Variants in TLL2 observed in about 807,000 individuals in gnomAD.
The protein encoded by TLL2 is tolloid-like protein 2.
TLL2 carries 106 observed loss-of-function variants against 123.0 expected under a neutral mutation model. That is an observed-to-expected ratio of 0.86 (90% CI 0.74 to 1.01). The LOEUF (loss-of-function observed/expected upper bound fraction) is 1.01, where lower values mean the gene tolerates loss of function less well. TLL2 is among the 50% of genes least tolerant of loss of function. TLL2 has a pLI of 0.00. For synonymous variants in TLL2, 494 were observed against 516.8 expected (o/e 0.96, Z 0.60); for missense variants, 1,332 against 1,336.7 (o/e 1.00, Z 0.06).
Position 96,513,697 on chromosome 10 carries a change from G to A in TLL2, c.-12C>T, listed in dbSNP as rs778353139. On this transcript the variant is annotated 5_prime_UTR_variant, in exon 1 of 21. Coordinates refer to ENST00000357947, the MANE Select transcript of TLL2 (RefSeq NM_012465.4). ...GTCGCCCGGGGCATGGTGGCGCGGG[G>A]CCGGCTGGGGCAGAGGGAGTTGCGT... 2.7e-6 allele frequency: 4 copies of A among 1,502,582 alleles called. No homozygotes were observed. The highest frequency in any genetic ancestry group is 3.5e-6 in the Non-Finnish European group (4 of 1,130,462). The allele number at this position is 1,502,582 out of a possible 1,614,324, so 93.1% of individuals were successfully genotyped here.
At chr10:96,391,381 C>T (rs1234605117) in intron 13 of TLL2, among the ~76,000 whole-genome samples, 1 of 152,224 alleles carries the variant, frequency 6.6e-6, no homozygotes, top group Non-Finnish European at 1.5e-5. Flanking sequence ...CCTCAAACTC[C>T]ACTTGCCACG....
intron 1 of TLL2, among the ~76,000 whole-genome samples, chr10:96,505,908 C>T (rs1323168317): frequency 6.6e-6 from 1 of 152,134 alleles, no homozygotes; most frequent in East Asian, 1.9e-4. Context: ...CACAAACGGA[C>T]ACTGAGGCTT....
intron 1 of TLL2, among the ~76,000 whole-genome samples, chr10:96,495,082 A>G (rs1486062627): frequency 6.6e-6 from 1 of 152,170 alleles, no homozygotes. Context: ...GTCCACTCCA[A>G]TAACAAGCCA....
At chr10:96,449,274 C>T (rs956686151) in intron 2 of TLL2, among the ~76,000 whole-genome samples, 3 of 152,170 alleles carry the variant, frequency 2.0e-5, no homozygotes, top group African/African-American at 7.2e-5. Context: ...ACCCCCAAGC[C>T]TGTACTCCTT....
intron 1 of TLL2, among the ~76,000 whole-genome samples, chr10:96,485,800 C>T (rs774818771): frequency 5.9e-5 from 9 of 152,144 alleles, no homozygotes; most frequent in Non-Finnish European, 8.8e-5. Flanking sequence ...AGATGGTTTC[C>T]GGCTGCCTGC....
intron 4 of TLL2, 110 bp downstream of exon 4, chr10:96,432,697 T>C (rs1467111873): frequency 2.2e-6 from 3 of 1,392,920 alleles, no homozygotes; most frequent in Non-Finnish European, 2.9e-6. Flanking sequence ...AGGCCTGCTG[T>C]GGTCCCTAAC....
At position 96,384,651 on chromosome 10, in the gene TLL2, C is replaced by T; in HGVS notation, c.2130G>A (p.Met710Ile). ...PEVITSQSNN[M>I]RVEFKSDNTV... ...TGTTGTCGGACTTGAACTCCACGCGCATGTTGTTGCTCTGCGAGGTGATGA... is the reference window on the plus strand; with the variant it reads ...TGTTGTCGGACTTGAACTCCACGCGTATGTTGTTGCTCTGCGAGGTGATGA... Residue 710 changes from methionine to isoleucine, a missense_variant, in exon 16 of 21, where the codon ATG becomes ATA. Transcript: ENST00000357947. The T allele has an allele frequency of 6.2e-7, 1 of 1,612,650 alleles. No homozygotes were observed. Among genetic ancestry groups the T allele is most frequent in the Non-Finnish European group, 8.5e-7 (1 of 1,179,106 alleles).
At chr10:96,370,958 C>T (rs980509422) in intron 19 of TLL2, among the ~76,000 whole-genome samples, 2 of 152,020 alleles carry the variant, frequency 1.3e-5, no homozygotes, top group African/African-American at 4.8e-5. Context: ...TATACAAGGA[C>T]AGTAACTCTG....
At chr10:96,509,107 C>A (rs1169657763) in intron 1 of TLL2, among the ~76,000 whole-genome samples, 1 of 152,176 alleles carries the variant, frequency 6.6e-6, no homozygotes, top group African/African-American at 2.4e-5. Context: ...TTCTGGCCAA[C>A]AGGTCCCAGG....
At chr10:96,506,274 A>G (rs1164082436) in intron 1 of TLL2, among the ~76,000 whole-genome samples, 7 of 149,574 alleles carry the variant, frequency 4.7e-5, no homozygotes, top group African/African-American at 1.2e-4. Flanking sequence ...AAGAAAAAAA[A>G]AAAAGAAAAA....
At chr10:96,425,380 C>T (rs971941802) in intron 5 of TLL2, among the ~76,000 whole-genome samples, 28 of 150,976 alleles carry the variant, frequency 1.9e-4, no homozygotes, top group Non-Finnish European at 3.0e-4. Context: ...TACACATGTA[C>T]GTATATATCT....
At chr10:96,512,760 C>G (rs942506689) in intron 1 of TLL2, among the ~76,000 whole-genome samples, 4 of 152,362 alleles carry the variant, frequency 2.6e-5, no homozygotes, top group African/African-American at 9.6e-5. Flanking sequence ...TTCAACGACT[C>G]CAGCTCGGAA....
chr10:96,469,140 G>A (rs1474177012), intron 2 of TLL2, among the ~76,000 whole-genome samples: 1 of 152,204 alleles, frequency 6.6e-6, no homozygotes, highest in East Asian at 1.9e-4. Flanking sequence ...GCTGAGCCCA[G>A]CCCTGGCTCT....
chr10:96,502,734 A>G (rs2134115114), intron 1 of TLL2, among the ~76,000 whole-genome samples: 1 of 152,248 alleles, frequency 6.6e-6, no homozygotes, highest in Admixed American at 6.5e-5. Flanking sequence ...AGGTAGCTTG[A>G]GGCTGTTGCT....
In TLL2 at chr10:96,444,931, TGTAATCCCA is replaced by T. The variant is rs1263916318; in HGVS notation, c.364+1151_364+1159del. On this transcript the variant is annotated intron_variant, in intron 3 of 20. Coordinates refer to ENST00000357947, the MANE Select transcript of TLL2 (RefSeq NM_012465.4). ...TTGGCCAGGTGCGGTGGCTCACGCCTGTAATCCCAGCACTTTGGGAGGCCGAGGCGGGCA... is the reference window on the plus strand; with the variant it reads ...TTGGCCAGGTGCGGTGGCTCACGCCTGCACTTTGGGAGGCCGAGGCGGGCA... Among the ~76,000 whole-genome samples, 9 of 152,358 alleles carry T rather than the reference TGTAATCCCA, an allele frequency of 5.9e-5. No individual in the cohort carries two copies. The South Asian group carries it at 1.7e-3, about 28-fold the overall frequency.
At chr10:96,457,632 C>T (rs779683308) in intron 2 of TLL2, among the ~76,000 whole-genome samples, 18 of 152,020 alleles carry the variant, frequency 1.2e-4, no homozygotes, top group African/African-American at 3.6e-4. Context: ...AGTTTCTAAG[C>T]GGGGTGCTTT....
rs946434982 is a variant in TLL2, at chr10:96,513,779, C to G, written c.-94G>C. On this transcript the variant is annotated 5_prime_UTR_variant, in exon 1 of 21. Coordinates refer to ENST00000357947, the MANE Select transcript of TLL2 (RefSeq NM_012465.4). Reference sequence around the variant, plus strand: ...GCACACTGGGTCGGTCGGCTCCGGCCGGGACTCGGTGGTTACACAGGGCTG... The same window carrying G: ...GCACACTGGGTCGGTCGGCTCCGGCGGGGACTCGGTGGTTACACAGGGCTG... The G allele has an allele frequency of 2.3e-6, 3 of 1,310,784 alleles. No homozygotes were observed. The Admixed American group carries it at 9.1e-5, about 40-fold the overall frequency. The allele number at this position is 1,310,784 out of a possible 1,614,324, so 81.2% of individuals were successfully genotyped here. A position where few individuals can be genotyped will look rare whatever the true frequency, so the allele number is the denominator to read the frequency against.
At chr10:96,390,969 TA>T (rs1846282211) in intron 13 of TLL2, among the ~76,000 whole-genome samples, 1 of 152,228 alleles carries the variant, frequency 6.6e-6, no homozygotes, top group African/African-American at 2.4e-5. Context: ...TTTTGTACAA[TA>T]AATAAAAATA....
At chr10:96,399,160 C>T (rs1589412072) in intron 10 of TLL2, among the ~76,000 whole-genome samples, 1 of 152,290 alleles carries the variant, frequency 6.6e-6, no homozygotes, top group Middle Eastern at 3.4e-3. Flanking sequence ...CATGAGCCAC[C>T]GCGCCTGGCT....
Sources: gnomAD v4.1 joint callset for allele counts (sites outside exome capture counted in the v4.1 genomes callset) on GRCh38, gnomAD v4.1.1 for gene constraint, MANE v1.5 for transcripts, NCBI Gene and HGNC (gene_info 2026-07-23, HGNC 2026-07-21) for gene names.